RBFOX3: variants seen among roughly 807,000 people sequenced by gnomAD.
RBFOX3 encodes RNA binding fox-1 homolog 3.
RBFOX3 carries 17 observed loss-of-function variants against 48.7 expected under a neutral mutation model. That is an observed-to-expected ratio of 0.35 (90% CI 0.24 to 0.52). RBFOX3 has a LOEUF of 0.52. RBFOX3 is among the 20% of genes least tolerant of loss of function. RBFOX3 has a pLI of 0.94. For synonymous variants in RBFOX3, 212 were observed against 209.5 expected, an observed-to-expected ratio of 1.01 and a Z score of -0.10; for missense variants, 382 against 497.5, an observed-to-expected ratio of 0.77 and a Z score of 2.21.
intron 4 of RBFOX3, among the ~76,000 whole-genome samples, chr17:79,187,518 G>T (rs538247994): frequency 6.6e-6 from 1 of 152,300 alleles, no homozygotes; most frequent in Non-Finnish European, 1.5e-5. Context: ...GGGGTATTTG[G>T]CCTGGGCTTG....
the RBFOX3 span, among the ~76,000 whole-genome samples, chr17:79,622,839 C>T: frequency 6.6e-6 from 1 of 152,178 alleles, no homozygotes; most frequent in Non-Finnish European, 1.5e-5. Flanking sequence ...ATACCTGTTT[C>T]TTCTACTAAT....
intron 1 of RBFOX3, among the ~76,000 whole-genome samples, chr17:79,485,889 T>A (rs2079519295): frequency 6.6e-6 from 1 of 152,242 alleles, no homozygotes; most frequent in African/African-American, 2.4e-5. Context: ...TGACCCGAGC[T>A]GAGTGGGAGA....
Position 79,220,943 on chromosome 17 carries a change from C to T in RBFOX3, c.-34+14823G>A, listed in dbSNP as rs2059651181. Among the ~76,000 whole-genome samples, 2 of 152,142 alleles carry T rather than the reference C, an allele frequency of 1.3e-5. No homozygotes were observed. Among genetic ancestry groups the T allele is most frequent in the African/African-American group, 2.4e-5 (1 of 41,426 alleles). ...GTGGAGTGCAGGGAGGTGGGGCCAC[C>T]GCCTGCAGGAGAGCCTGCATCTAAC... On this transcript the variant is annotated intron_variant, in intron 4 of 14. Coordinates refer to ENST00000693108, the MANE Select transcript of RBFOX3 (RefSeq NM_001350451.2). This position sits in a 1 kb window ranked among gnomAD's most constrained non-coding sequence, Gnocchi z 5.9.
At chr17:79,588,750 G>A (rs2145020610) in intron 1 of RBFOX3, among the ~76,000 whole-genome samples, 1 of 146,142 alleles carries the variant, frequency 6.8e-6, no homozygotes, top group South Asian at 2.1e-4. Context: ...TTGGACCTGG[G>A]CCATATAGCG....
At chr17:79,497,668 G>A (rs2081752126) in intron 1 of RBFOX3, among the ~76,000 whole-genome samples, 1 of 152,208 alleles carries the variant, frequency 6.6e-6, no homozygotes, top group African/African-American at 2.4e-5. Flanking sequence ...CCCCCAGCTG[G>A]CTGCCTGGGT....
chr17:79,302,910 C>T (rs957869629), intron 3 of RBFOX3, among the ~76,000 whole-genome samples: 6 of 152,202 alleles, frequency 3.9e-5, no homozygotes, highest in African/African-American at 1.4e-4. Flanking sequence ...AAGTTGTTCA[C>T]TTTAAAAGGT....
chr17:79,648,421 C>T, the RBFOX3 span, among the ~76,000 whole-genome samples: 6 of 152,332 alleles, frequency 3.9e-5, no homozygotes, highest in African/African-American at 1.4e-4. Context: ...GGGTTTGCAT[C>T]CTGCTCTCCA....
At chr17:79,224,305 C>G (rs2060072377) in intron 4 of RBFOX3, among the ~76,000 whole-genome samples, 1 of 152,180 alleles carries the variant, frequency 6.6e-6, no homozygotes, top group Non-Finnish European at 1.5e-5. Flanking sequence ...GCCTGAAATC[C>G]ATCTCCCCCA....
intron 1 of RBFOX3, among the ~76,000 whole-genome samples, chr17:79,576,244 A>G (rs1266225555): frequency 6.6e-6 from 1 of 152,264 alleles, no homozygotes; most frequent in African/African-American, 2.4e-5. Flanking sequence ...AACACCTGTA[A>G]TCATGTGAAC....
intron 4 of RBFOX3, among the ~76,000 whole-genome samples, chr17:79,147,616 G>A (rs984575129): frequency 1.3e-5 from 2 of 152,194 alleles, no homozygotes; most frequent in African/African-American, 4.8e-5. Flanking sequence ...CCTGCCCTTG[G>A]CAAAGCCCAA....
the RBFOX3 span, among the ~76,000 whole-genome samples, chr17:79,641,303 A>G: frequency 6.6e-6 from 1 of 152,240 alleles, no homozygotes; most frequent in Non-Finnish European, 1.5e-5. Flanking sequence ...AAAGATAACA[A>G]GTATGGGCAA....
chr17:79,445,373 G>T (rs1236661374), intron 2 of RBFOX3, among the ~76,000 whole-genome samples: 2 of 152,194 alleles, frequency 1.3e-5, no homozygotes, highest in African/African-American at 2.4e-5. Flanking sequence ...ACAGCGGCCT[G>T]GGTGAGGGCC....
At chr17:79,177,759 T>C (rs2050917432) in intron 4 of RBFOX3, among the ~76,000 whole-genome samples, 1 of 152,152 alleles carries the variant, frequency 6.6e-6, no homozygotes, top group Non-Finnish European at 1.5e-5. Flanking sequence ...GGTACATGAT[T>C]CAAACCTTAG....
chr17:79,653,985 T>G, the RBFOX3 span, among the ~76,000 whole-genome samples: 1 of 152,104 alleles, frequency 6.6e-6, no homozygotes, highest in South Asian at 2.1e-4. Context: ...ATACAAGTTG[T>G]TTGGTTTGTC....
At position 79,362,568 on chromosome 17, in the gene RBFOX3, T is replaced by C. The variant is rs996505486; in HGVS notation, c.-174-54744A>G. On this transcript the variant is annotated intron_variant, in intron 2 of 14. Transcript: ENST00000693108. The surrounding 1 kb of genome is among the most constrained non-coding windows in gnomAD (Gnocchi z 4.2). ...GTGGCTTGGGATGGAGATGGGAGCCTTTATGTCCCGCGTGTGAGGGGCCCA... is the reference window on the plus strand; with the variant it reads ...GTGGCTTGGGATGGAGATGGGAGCCCTTATGTCCCGCGTGTGAGGGGCCCA... Among the ~76,000 whole-genome samples, 1 of 152,156 alleles carries C rather than the reference T, an allele frequency of 6.6e-6. No homozygotes were observed. The highest frequency in any genetic ancestry group is 1.5e-5 in the Non-Finnish European group (1 of 68,004).
rs1488586902 is a variant in RBFOX3 at position 79,242,920 on chromosome 17, C to T, written c.-73-7115G>A. Among the ~76,000 whole-genome samples the T allele has an allele frequency of 6.6e-6, 1 of 152,192 alleles. No individual in the cohort carries two copies. The highest frequency in any genetic ancestry group is 1.5e-5 in the Non-Finnish European group (1 of 68,026). On this transcript the variant is annotated intron_variant, in intron 3 of 14. Transcript: ENST00000693108. This position sits in a 1 kb window ranked among gnomAD's most constrained non-coding sequence, Gnocchi z 5.8. ...TAGGCACTCTAGGCCTTCAGCTGTG[C>T]TCCAGTGGGGCCTTACTCCTCCTCT...
At chr17:79,159,545 G>T (rs2046520699) in intron 4 of RBFOX3, among the ~76,000 whole-genome samples, 1 of 152,186 alleles carries the variant, frequency 6.6e-6, no homozygotes, top group Admixed American at 6.5e-5. Flanking sequence ...TCATTCTCAA[G>T]CAATATTCCT....
chr17:79,394,821 C>T (rs1294165649), intron 2 of RBFOX3, among the ~76,000 whole-genome samples: 3 of 152,202 alleles, frequency 2.0e-5, no homozygotes, highest in Admixed American at 6.5e-5. Context: ...TGAGACGTCC[C>T]GGGCCCTCGC....
At position 79,184,945 on chromosome 17, in the gene RBFOX3, A is replaced by G. The variant is rs1375031122; in HGVS notation, c.-34+50821T>C. Among the ~76,000 whole-genome samples, 4 of 152,158 alleles carry G rather than the reference A, an allele frequency of 2.6e-5. No individual in the cohort carries two copies. In the East Asian group the frequency reaches 7.7e-4, roughly 29 times the overall value. On this transcript the variant is annotated intron_variant, in intron 4 of 14. Coordinates refer to ENST00000693108, the MANE Select transcript of RBFOX3 (RefSeq NM_001350451.2). The stretch of plus-strand genomic sequence containing the variant: ...GTTGTCTGAGATCCCTGTTGCACCC[A>G]CTGCAGGACACGTGGCCTGAGGGCC...
Sources: gnomAD v4.1 joint callset for allele counts (sites outside exome capture counted in the v4.1 genomes callset) on GRCh38, gnomAD v4.1.1 for gene constraint, Gnocchi (gnomAD v3.1) non-coding constraint, MANE v1.5 for transcripts, NCBI Gene and HGNC (gene_info 2026-07-23, HGNC 2026-07-21) for gene names.